GRID2: variants seen among roughly 807,000 people sequenced by gnomAD.
GRID2 encodes glutamate receptor ionotropic, delta-2.
A neutral mutation model predicts 114.8 loss-of-function variants in GRID2; 33 were observed. The ratio of observed to expected loss-of-function variants is 0.29; its 90% CI spans 0.22 to 0.38. The LOEUF (loss-of-function observed/expected upper bound fraction) is 0.38. GRID2 is among the 10% of genes least tolerant of loss of function. The pLI is 1.00. For synonymous variants in GRID2, 505 were observed against 449.9 expected (o/e 1.12, Z -1.55); for missense variants, 1,184 against 1,257.7 (o/e 0.94, Z 0.89).
At chr4:93,340,173 A>T (rs936326163) in intron 8 of GRID2, among the ~76,000 whole-genome samples, 1 of 151,108 alleles carries the variant, frequency 6.6e-6, no homozygotes, top group Non-Finnish European at 1.5e-5. Flanking sequence ...ATTCTAGCAC[A>T]TGAAAACTTT....
chr4:93,687,229 G>A (rs771008909), intron 14 of GRID2, among the ~76,000 whole-genome samples: 2 of 152,044 alleles, frequency 1.3e-5, no homozygotes, highest in Non-Finnish European at 2.9e-5. Flanking sequence ...GAAAGATGGA[G>A]TACCATCAGT....
chr4:93,683,295 A>T (rs951948546), intron 14 of GRID2, among the ~76,000 whole-genome samples: 2 of 152,068 alleles, frequency 1.3e-5, no homozygotes, highest in African/African-American at 4.8e-5. Flanking sequence ...ACTGAATTTT[A>T]ATCATGATAA....
chr4:93,446,225 T>C (rs987714980), intron 10 of GRID2, among the ~76,000 whole-genome samples: 1 of 152,012 alleles, frequency 6.6e-6, no homozygotes, highest in African/African-American at 2.4e-5. Flanking sequence ...TGATCCAGGG[T>C]TCCTGGCACA....
chr4:93,110,408 A>G (rs897618854), intron 3 of GRID2, among the ~76,000 whole-genome samples: 3 of 152,170 alleles, frequency 2.0e-5, no homozygotes, highest in Non-Finnish European at 4.4e-5. Context: ...AAAATAGGGA[A>G]TGTCTTTCCC....
At chr4:92,735,428 A>G (rs1253861302) in intron 2 of GRID2, among the ~76,000 whole-genome samples, 1 of 152,166 alleles carries the variant, frequency 6.6e-6, no homozygotes, top group African/African-American at 2.4e-5. Flanking sequence ...GTGGTTTCTC[A>G]AAGTATCTTA....
At chr4:92,566,025 T>C (rs534858421) in intron 1 of GRID2, among the ~76,000 whole-genome samples, 121 of 152,094 alleles carry the variant, frequency 8.0e-4, no homozygotes, top group African/African-American at 2.8e-3. Flanking sequence ...AAGCTAGGAA[T>C]ATTTGGAAAC....
intron 1 of GRID2, among the ~76,000 whole-genome samples, chr4:92,584,846 C>T (rs1286333042): frequency 6.6e-6 from 1 of 152,032 alleles, no homozygotes; most frequent in East Asian, 1.9e-4. Flanking sequence ...ACCTCCTACT[C>T]TACATCTTGT....
intron 2 of GRID2, among the ~76,000 whole-genome samples, chr4:93,026,441 A>T (rs1723890580): frequency 6.6e-6 from 1 of 151,864 alleles, no homozygotes; most frequent in South Asian, 2.1e-4. Context: ...TTGTATCCTG[A>T]GCTTGGCTTT....
intron 1 of GRID2, among the ~76,000 whole-genome samples, chr4:92,428,970 C>T (rs1732300132): frequency 6.6e-6 from 1 of 152,068 alleles, no homozygotes; most frequent in Non-Finnish European, 1.5e-5. Context: ...TACCCATCAA[C>T]CCGTCATATA....
At chr4:92,367,263 CAT>C (rs537791415) in intron 1 of GRID2, among the ~76,000 whole-genome samples, 228 of 152,122 alleles carry the variant, frequency 1.5e-3, no homozygotes, top group African/African-American at 5.2e-3. Context: ...CCTTGCTACA[CAT>C]GTTAGTTGAG....
At chr4:92,982,234 G>C (rs773097488) in intron 2 of GRID2, among the ~76,000 whole-genome samples, 1 of 151,888 alleles carries the variant, frequency 6.6e-6, no homozygotes, top group East Asian at 1.9e-4. Context: ...ATTCAGAGTT[G>C]TCTACAGTAA....
rs188064615 is a variant in GRID2, at chr4:93,177,129, G to A, written c.736-30275G>A. On this transcript the variant is annotated intron_variant, in intron 4 of 15. Transcript: ENST00000282020. ...GTAGTGTGCAAGATGAGTTATCCCA[G>A]TTTTCCCAAGATCATTCAGATTATG... is the stretch of plus-strand genomic sequence containing the variant. 1.5e-3 allele frequency among the ~76,000 whole-genome samples: 224 copies of A among 152,166 alleles called. 2 individuals are homozygous for A. Among genetic ancestry groups the A allele is most frequent in the Middle Eastern group, 3.4e-3 (1 of 294 alleles).
intron 1 of GRID2, among the ~76,000 whole-genome samples, chr4:92,398,392 C>T (rs1730612847): frequency 6.6e-6 from 1 of 152,088 alleles, no homozygotes; most frequent in African/African-American, 2.4e-5. Context: ...CCTTGATCTC[C>T]TGGGCTCAAG....
chr4:92,957,110 A>G (rs541502838), intron 2 of GRID2, among the ~76,000 whole-genome samples: 1 of 152,004 alleles, frequency 6.6e-6, no homozygotes, highest in Non-Finnish European at 1.5e-5. Flanking sequence ...TTGTTTTATC[A>G]TTCTCTTGAC....
intron 8 of GRID2, among the ~76,000 whole-genome samples, chr4:93,252,782 C>T (rs535892769): frequency 2.0e-5 from 3 of 152,192 alleles, no homozygotes; most frequent in East Asian, 1.9e-4. Context: ...AGATCGTTCA[C>T]TTCCCTTGTT....
intron 13 of GRID2, among the ~76,000 whole-genome samples, chr4:93,590,566 A>G (rs1057240911): frequency 1.3e-5 from 2 of 151,912 alleles, no homozygotes; most frequent in African/African-American, 4.8e-5. Context: ...ATGAACTTTA[A>G]AGTAGTTTTT....
At chr4:92,344,902 A>G (rs1015380904) in intron 1 of GRID2, among the ~76,000 whole-genome samples, 1 of 152,078 alleles carries the variant, frequency 6.6e-6, no homozygotes, top group African/African-American at 2.4e-5. Context: ...AATTATCTCA[A>G]TAGTTTTGTG....
At chr4:92,456,961 C>T (rs1464402707) in intron 1 of GRID2, among the ~76,000 whole-genome samples, 2 of 152,108 alleles carry the variant, frequency 1.3e-5, no homozygotes, top group Non-Finnish European at 2.9e-5. Context: ...TCTCTTTACA[C>T]ACACTCTCAC....
chr4:93,265,395 G>A (rs2149557191), intron 8 of GRID2, among the ~76,000 whole-genome samples: 1 of 152,228 alleles, frequency 6.6e-6, no homozygotes, highest in African/African-American at 2.4e-5. Context: ...ACATTCTGAA[G>A]AGCCACCTTA....
Sources: allele counts gnomAD v4.1 joint callset (sites outside exome capture counted in the v4.1 genomes callset), GRCh38; gene constraint gnomAD v4.1.1; transcripts MANE v1.5; gene names NCBI Gene and HGNC (gene_info 2026-07-23, HGNC 2026-07-21).